APBB2: variants seen among roughly 807,000 people sequenced by gnomAD.
APBB2 encodes the protein Fe65-like 1.
A neutral mutation model predicts 82.5 loss-of-function variants in APBB2; 38 were observed. The ratio of observed to expected loss-of-function variants is 0.46; its 90% CI spans 0.36 to 0.60. The LOEUF is 0.60. Among genes scored for constraint, APBB2 ranks in the 20% least tolerant of loss-of-function variants. The probability of loss-of-function intolerance (pLI) is 0.00; values close to 1 mark genes in which losing one functional copy is unlikely to be tolerated. For missense variants in APBB2, 772 were observed against 972.3 expected, an observed-to-expected ratio of 0.79 and a Z score of 2.74; for synonymous variants, 341 against 368.2, an observed-to-expected ratio of 0.93 and a Z score of 0.85.
chr4:40,957,214 G>C (rs1422903272), intron 6 of APBB2, among the ~76,000 whole-genome samples: 1 of 151,902 alleles, frequency 6.6e-6, no homozygotes, highest in Non-Finnish European at 1.5e-5. Context: ...TGTGGCTTTG[G>C]AAAAAAATAT....
intron 1 of APBB2, among the ~76,000 whole-genome samples, chr4:41,166,548 A>C (rs1296562614): frequency 3.3e-5 from 5 of 151,300 alleles, no homozygotes; most frequent in African/African-American, 1.2e-4. Flanking sequence ...ACTGCACTCC[A>C]GCCGGGTCAA....
intron 4 of APBB2, among the ~76,000 whole-genome samples, chr4:41,038,564 C>T (rs1360385198): frequency 1.3e-5 from 2 of 152,152 alleles, no homozygotes; most frequent in Admixed American, 6.5e-5. Flanking sequence ...CAATCACCAC[C>T]TTATCTAAAA....
chr4:40,911,403 G>A (rs774314199), intron 10 of APBB2, among the ~76,000 whole-genome samples: 34 of 152,300 alleles, frequency 2.2e-4, no homozygotes, highest in Non-Finnish European at 4.6e-4. Flanking sequence ...TACCTGGTAA[G>A]CATACAATGT....
chr4:40,929,020 G>A (rs945571423), intron 10 of APBB2, among the ~76,000 whole-genome samples: 3 of 150,556 alleles, frequency 2.0e-5, no homozygotes, highest in African/African-American at 7.3e-5. Context: ...TCAGAATACA[G>A]TGTTTATTAA....
chr4:40,961,702 A>G (rs1210965010), intron 6 of APBB2, among the ~76,000 whole-genome samples: 1 of 39,280 alleles, frequency 2.5e-5, no homozygotes, highest in Non-Finnish European at 5.7e-5. Context: ...AAAAAAAAAG[A>G]AACCAGTTTC....
chr4:40,813,851 A>T lies in APBB2; in HGVS notation c.*2241T>A, dbSNP rs1271610292. The T allele has an allele frequency of 2.0e-5, 3 of 152,210 alleles. No homozygotes were observed. The highest frequency in any genetic ancestry group is 3.8e-4 in the East Asian group (2 of 5,198). The allele number at this position is 152,210 out of a possible 1,614,324, so 9.4% of individuals were successfully genotyped here. A position where few individuals can be genotyped will look rare whatever the true frequency, so the allele number is the denominator to read the frequency against. On this transcript the variant is annotated 3_prime_UTR_variant, in exon 18 of 18. Transcript: ENST00000508593. ...CCGAGATGAAAGATCACTGTAAATG[A>T]TTTCTGAACAGCTTTTCAAAGGGCA...
At chr4:40,861,816 CTTTT>C (rs1560731554) in intron 12 of APBB2, among the ~76,000 whole-genome samples, 1 of 54,588 alleles carries the variant, frequency 1.8e-5, no homozygotes, top group Non-Finnish European at 3.5e-5. Context: ...CTATTGTTTT[CTTTT>C]TTCTTTCTAA....
At chr4:40,960,445 G>A (rs1285786405) in intron 6 of APBB2, among the ~76,000 whole-genome samples, 29 of 78,852 alleles carry the variant, frequency 3.7e-4, no homozygotes, top group African/African-American at 7.3e-4. Flanking sequence ...ATTTTTTTTC[G>A]GGTTTTTTTT....
rs767280199 is a variant in APBB2 at position 40,810,528 on chromosome 4, A to G, written c.*5564T>C. ...AGGAGGTGCAGGTTGCAGTGAGCCA[A>G]TATTGCCCCACTGCACTCCAGCCTG... On this transcript the variant is annotated 3_prime_UTR_variant, in exon 18 of 18. Coordinates refer to ENST00000508593, the MANE Select transcript of APBB2 (RefSeq NM_004307.2). 3.4e-5 allele frequency: 5 copies of G among 146,568 alleles called. No homozygotes were observed. The highest frequency in any genetic ancestry group is 7.5e-5 in the Non-Finnish European group (5 of 66,866). The allele number at this position is 146,568 out of a possible 1,614,324, so 9.1% of individuals were successfully genotyped here. A position where few individuals can be genotyped will look rare whatever the true frequency, so the allele number is the denominator to read the frequency against.
At chr4:40,965,286 G>A (rs954049819) in intron 6 of APBB2, among the ~76,000 whole-genome samples, 2 of 152,188 alleles carry the variant, frequency 1.3e-5, no homozygotes, top group African/African-American at 4.8e-5. Context: ...ATAATTAACT[G>A]CTTACAATTT....
intron 6 of APBB2, among the ~76,000 whole-genome samples, chr4:40,982,404 A>AGGAAAG (rs71198620): frequency 2.2e-4 from 18 of 80,518 alleles, no homozygotes; most frequent in African/African-American, 9.2e-4. Context: ...AGGAAAGGAA[A>AGGAAAG]GAAAGAAAGA....
chr4:41,082,306 T>C (rs1737920945), intron 3 of APBB2, among the ~76,000 whole-genome samples: 1 of 152,226 alleles, frequency 6.6e-6, no homozygotes, highest in South Asian at 2.1e-4. Context: ...CACACAGTAC[T>C]TATTTTTGAT....
At chr4:40,927,593 C>CA (rs1394967171) in intron 10 of APBB2, among the ~76,000 whole-genome samples, 2 of 152,076 alleles carry the variant, frequency 1.3e-5, no homozygotes, top group African/African-American at 2.4e-5. Context: ...GTGATCTTCC[C>CA]ACCTCAGCCT....
At chr4:40,915,412 G>T (rs1267923701) in intron 10 of APBB2, among the ~76,000 whole-genome samples, 1 of 152,100 alleles carries the variant, frequency 6.6e-6, no homozygotes, top group Non-Finnish European at 1.5e-5. Flanking sequence ...CAGGGACTTG[G>T]TCTGCAGTAT....
chr4:40,902,242 A>G (rs888663904), intron 10 of APBB2, among the ~76,000 whole-genome samples: 21 of 152,348 alleles, frequency 1.4e-4, no homozygotes, highest in African/African-American at 5.1e-4. Flanking sequence ...GAGGTTAGAC[A>G]GCAGAGTGCT....
intron 1 of APBB2, among the ~76,000 whole-genome samples, chr4:41,169,821 T>C (rs888987630): frequency 2.0e-5 from 3 of 149,766 alleles, no homozygotes; most frequent in Non-Finnish European, 4.4e-5. Flanking sequence ...CAAAAACGAA[T>C]AGGGGGGGAA....
intron 1 of APBB2, among the ~76,000 whole-genome samples, chr4:41,170,680 A>G (rs1768000208): frequency 6.6e-6 from 1 of 152,066 alleles, no homozygotes; most frequent in African/African-American, 2.4e-5. Context: ...CAGAAAAAGA[A>G]CTTTAATGGG....
At chr4:40,915,588 C>T (rs926915540) in intron 10 of APBB2, among the ~76,000 whole-genome samples, 4 of 152,148 alleles carry the variant, frequency 2.6e-5, no homozygotes, top group Admixed American at 6.5e-5. Context: ...TTTTACTGTA[C>T]CAGTCACCAA....
At chr4:41,015,404 G>A (rs1809621796) in intron 5 of APBB2, among the ~76,000 whole-genome samples, 3 of 152,158 alleles carry the variant, frequency 2.0e-5, no homozygotes, top group Admixed American at 2.0e-4. Flanking sequence ...AGACTTTGGT[G>A]ATCTCTACCT....
Sources: allele counts gnomAD v4.1 joint callset (sites outside exome capture counted in the v4.1 genomes callset), GRCh38; gene constraint gnomAD v4.1.1; transcripts MANE v1.5; gene names NCBI Gene and HGNC (gene_info 2026-07-23, HGNC 2026-07-21).